The following CNGA3 variants were observed in gnomAD, a reference collection of about 807,000 sequenced individuals.
CNGA3 encodes cyclic nucleotide gated channel subunit alpha 3, also known as cyclic nucleotide-gated channel alpha-3.
A neutral mutation model predicts 46.6 loss-of-function variants in CNGA3; 42 were observed. The observed-to-expected ratio is 0.90, with a 90% CI of 0.70 to 1.17. The LOEUF (loss-of-function observed/expected upper bound fraction) is 1.17. Among genes scored for constraint, CNGA3 ranks in the 50% most tolerant of loss-of-function variants. The pLI is 0.00. For synonymous variants in CNGA3, 394 were observed against 369.4 expected (o/e 1.07, Z -0.76); for missense variants, 893 against 890.7 (o/e 1.00, Z -0.03).
intron 1 of CNGA3, among the ~76,000 whole-genome samples, chr2:98,364,561 C>T (rs56859980): frequency 0.19 from 29,154 of 152,004 alleles, 3,200 homozygotes; most frequent in Non-Finnish European, 0.26. Flanking sequence ...GTCTTGACTC[C>T]TTATCGAGCT....
intron 1 of CNGA3, among the ~76,000 whole-genome samples, chr2:98,368,330 A>G (rs1008155110): frequency 2.0e-5 from 3 of 152,214 alleles, no homozygotes; most frequent in Non-Finnish European, 2.9e-5. Context: ...AGAAATTGCC[A>G]TCTTTCTCCG....
intron 2 of CNGA3, among the ~76,000 whole-genome samples, chr2:98,374,243 G>A (rs1444950027): frequency 6.6e-6 from 1 of 152,224 alleles, no homozygotes; most frequent in African/African-American, 2.4e-5. Context: ...TAATTCCTCT[G>A]TGCAAATAAA....
At chr2:98,366,295 G>A (rs1692148782) in intron 1 of CNGA3, among the ~76,000 whole-genome samples, 1 of 152,152 alleles carries the variant, frequency 6.6e-6, no homozygotes. Context: ...CGTCTCAAAG[G>A]GGCGCTGACC....
chr2:98,389,365 T>A (rs980562007), intron 5 of CNGA3, among the ~76,000 whole-genome samples: 1 of 152,242 alleles, frequency 6.6e-6, no homozygotes, highest in Non-Finnish European at 1.5e-5. Flanking sequence ...CTCAGCATCC[T>A]GAAGGGTGTG....
rs994824490 is a variant in CNGA3 at position 98,397,622 on chromosome 2, ATTAT to A, written c.*371_*374del. On this transcript the variant is annotated 3_prime_UTR_variant, in exon 8 of 8. Coordinates refer to ENST00000272602, the MANE Select transcript of CNGA3 (RefSeq NM_001298.3). ...AATCTGATTTTCTTATAAATGAAAG[ATTAT>A]TTAGTCACCTTTCTCCTGTCCAACT... is the stretch of plus-strand genomic sequence containing the variant. 7 of 332,646 alleles carry A rather than the reference ATTAT, an allele frequency of 2.1e-5. No homozygotes were observed. In the Admixed American group the frequency reaches 3.3e-4, roughly 16 times the overall value. 20.6% of individuals were successfully genotyped at this position (332,646 alleles called of 1,614,324 possible).
chr2:98,380,266 C>T lies in CNGA3; in HGVS notation c.307C>T (p.Arg103Cys), dbSNP rs370581927. The T allele has an allele frequency of 4.5e-5, 73 of 1,614,168 alleles. No individual in the cohort carries two copies. In the African/African-American group the frequency reaches 8.5e-4, roughly 19 times the overall value. The change falls in exon 4 of 8, where the codon CGT (arginine) becomes TGT (cysteine). Residue 103 changes from arginine (R) to cysteine (C), a missense_variant. Transcript: ENST00000272602. ...QGPDSFPDRFRGAELKEVSSQ... is the reference protein window; with the variant it reads ...QGPDSFPDRFCGAELKEVSSQ... The stretch of plus-strand genomic sequence containing the variant: ...ACCGGACTCTTTTCCTGATCGTTTC[C>T]GTGGAGCCGAGCTTAAGGAGGTGTC...
At chr2:98,378,476 T>A (rs551054991) in intron 3 of CNGA3, among the ~76,000 whole-genome samples, 13 of 152,322 alleles carry the variant, frequency 8.5e-5, no homozygotes, top group African/African-American at 2.9e-4. Context: ...TTCCACCACG[T>A]GGTTTTTTCC....
At chr2:98,385,123 C>A (rs1692622958) in intron 5 of CNGA3, among the ~76,000 whole-genome samples, 3 of 152,158 alleles carry the variant, frequency 2.0e-5, no homozygotes. Context: ...CTGGGTCTTT[C>A]CTAGGCTCTC....
intron 5 of CNGA3, among the ~76,000 whole-genome samples, chr2:98,384,180 G>T (rs1173094267): frequency 6.6e-6 from 1 of 152,136 alleles, no homozygotes; most frequent in South Asian, 2.1e-4. Flanking sequence ...GAGCCACTGC[G>T]CCTCGCCTGA....
At chr2:98,394,645 G>C (rs2104242518) in intron 7 of CNGA3, among the ~76,000 whole-genome samples, 1 of 151,972 alleles carries the variant, frequency 6.6e-6, no homozygotes, top group Non-Finnish European at 1.5e-5. Context: ...TCCTGTTTTT[G>C]TTTTTGCTCT....
intron 1 of CNGA3, among the ~76,000 whole-genome samples, chr2:98,367,862 G>C (rs1692198774): frequency 1.3e-5 from 2 of 152,132 alleles, no homozygotes; most frequent in African/African-American, 4.8e-5. Context: ...CATGTTCCCT[G>C]AATACATCCT....
intron 1 of CNGA3, among the ~76,000 whole-genome samples, chr2:98,367,044 T>A (rs969078819): frequency 2.6e-5 from 4 of 152,074 alleles, no homozygotes; most frequent in African/African-American, 9.7e-5. Flanking sequence ...TCCACCCTGC[T>A]TGTCCTCACT....
intron 1 of CNGA3, among the ~76,000 whole-genome samples, chr2:98,362,951 C>A (rs1007256179): frequency 3.3e-5 from 5 of 152,156 alleles, no homozygotes; most frequent in African/African-American, 1.2e-4. Flanking sequence ...TGTTAAAGAT[C>A]AGATGGTTGT....
chr2:98,373,426 C>G (rs536184583), intron 2 of CNGA3, among the ~76,000 whole-genome samples: 2 of 152,150 alleles, frequency 1.3e-5, no homozygotes, highest in African/African-American at 4.8e-5. Flanking sequence ...ATCAAGAAGC[C>G]TGCACTGGAA....
At chr2:98,364,362 A>C (rs1280513832) in intron 1 of CNGA3, among the ~76,000 whole-genome samples, 3 of 152,044 alleles carry the variant, frequency 2.0e-5, no homozygotes, top group Non-Finnish European at 2.9e-5. Context: ...TGGGCAACAG[A>C]GCAAGACTCC....
At position 98,396,728 on chromosome 2, in the gene CNGA3, T is replaced by C; in HGVS notation, c.1558T>C (p.Tyr520His). Reference protein sequence around the residue: ...CKKGDIGKEMYIINEGKLAVV... With the variant: ...CKKGDIGKEMHIINEGKLAVV... ...GAAGGGAGATATTGGGAAGGAGATG[T>C]ACATCATCAACGAGGGCAAGCTGGC... Residue 520 changes from tyrosine to histidine, a missense_variant, in exon 8 of 8, where the codon TAC becomes CAC. By Grantham distance (83) the Tyr-to-His change is moderately conservative. Around this residue, in one of 3 missense-constraint regions of CNGA3, gnomAD observed 548 missense variants for 570.8 expected, o/e 0.96. Coordinates refer to ENST00000272602, the MANE Select transcript of CNGA3 (RefSeq NM_001298.3). 2 of 1,614,140 alleles carry C rather than the reference T, an allele frequency of 1.2e-6. No homozygotes were observed. Among genetic ancestry groups the C allele is most frequent in the Non-Finnish European group, 1.7e-6 (2 of 1,180,022 alleles).
chr2:98,396,041 A>T lies in CNGA3; in HGVS notation c.871A>T (p.Thr291Ser). The T allele has an allele frequency of 6.2e-7, 1 of 1,614,210 alleles. No homozygotes were observed. Among genetic ancestry groups the T allele is most frequent in the South Asian group, 1.1e-5 (1 of 91,080 alleles). The change falls in exon 8 of 8, where the codon ACA (threonine) becomes TCA (serine). Residue 291 changes from threonine (T) to serine (S), a missense_variant. By Grantham distance (58) the Thr-to-Ser change is moderately conservative. This residue lies in a region of CNGA3 where 548 missense variants were observed against 570.8 expected (regional missense o/e 0.96). Coordinates refer to ENST00000272602, the MANE Select transcript of CNGA3 (RefSeq NM_001298.3). ...FSRLFEFFDRTETRTNYPNMF... is the reference protein window; with the variant it reads ...FSRLFEFFDRSETRTNYPNMF... ...CCGGCTCTTTGAATTCTTTGACCGC[A>T]CAGAGACAAGGACCAACTACCCCAA...
At chr2:98,382,255 C>T (rs1692555533) in intron 4 of CNGA3, among the ~76,000 whole-genome samples, 1 of 152,194 alleles carries the variant, frequency 6.6e-6, no homozygotes, top group African/African-American at 2.4e-5. Context: ...AGTATATACA[C>T]AGACAGGTCC....
intron 1 of CNGA3, 122 bp downstream of exon 1, chr2:98,346,656 G>C (rs1170995138): frequency 2.6e-6 from 1 of 392,018 alleles, no homozygotes; most frequent in Non-Finnish European, 4.5e-6. Flanking sequence ...GGATGCTGCT[G>C]CTTCCAGGGG....
Sources: gnomAD v4.1 joint callset for allele counts (sites outside exome capture counted in the v4.1 genomes callset) on GRCh38, gnomAD v4.1.1 for gene constraint, gnomAD v4.1.1 regional missense constraint, MANE v1.5 for transcripts, NCBI Gene and HGNC (gene_info 2026-07-23, HGNC 2026-07-21) for gene names.